The following MLLT1 variants were observed in gnomAD, a reference collection of about 807,000 sequenced individuals.
MLLT1 encodes MLLT1 super elongation complex subunit.
MLLT1 carries 11 observed loss-of-function variants against 55.1 expected under a neutral mutation model. The ratio of observed to expected loss-of-function variants is 0.20; its 90% CI spans 0.13 to 0.33. The LOEUF is 0.33. Among genes scored for constraint, MLLT1 ranks in the 10% least tolerant of loss-of-function variants. The probability of loss-of-function intolerance (pLI) is 1.00; values close to 1 mark genes in which losing one functional copy is unlikely to be tolerated. For synonymous variants in MLLT1, 323 were observed against 320.1 expected, an observed-to-expected ratio of 1.01 and a Z score of -0.10; for missense variants, 536 against 760.6, an observed-to-expected ratio of 0.70 and a Z score of 3.47.
In MLLT1 at chr19:6,222,376, C is replaced by T. The variant is rs763428398; in HGVS notation, c.855G>A (p.Lys285=). ...TTGGCGAGTCGGCGGTGGCCGGCCGCTTGCTGGAAGCCCGGGGTGGGGGTG... is the reference window on the plus strand; with the variant it reads ...TTGGCGAGTCGGCGGTGGCCGGCCGTTTGCTGGAAGCCCGGGGTGGGGGTG... ...PPPPPPRASS[K]RPATADSPKP... The change falls in exon 6 of 12, where the codon AAG becomes AAA. Residue 285 remains lysine (K), a synonymous_variant. Transcript: ENST00000252674. The surrounding 1 kb of genome is among the most constrained non-coding windows in gnomAD (Gnocchi z 4.1). 5 of 1,390,186 alleles carry T rather than the reference C, an allele frequency of 3.6e-6. No homozygotes were observed. Among genetic ancestry groups the T allele is most frequent in the Middle Eastern group, 2.7e-4 (1 of 3,718 alleles). The allele number at this position is 1,390,186 out of a possible 1,614,324, so 86.1% of individuals were successfully genotyped here. A position where few individuals can be genotyped will look rare whatever the true frequency, so the allele number is the denominator to read the frequency against.
rs531602750 is a variant in MLLT1, at chr19:6,278,747, G to A, written c.12+1026C>T. Reference sequence around the variant, plus strand: ...AACAGCAGGCCATCAGTGACTCAAAGGTCTGGGGAATCCAGGTCAGAGAAG... The same window carrying A: ...AACAGCAGGCCATCAGTGACTCAAAAGTCTGGGGAATCCAGGTCAGAGAAG... On this transcript the variant is annotated intron_variant, in intron 1 of 11. Transcript: ENST00000252674. 2.6e-5 allele frequency among the ~76,000 whole-genome samples: 4 copies of A among 152,272 alleles called. No homozygotes were observed. In the South Asian group the frequency reaches 8.3e-4, roughly 32 times the overall value.
chr19:6,246,187 G>A (rs1325996694), intron 3 of MLLT1, among the ~76,000 whole-genome samples: 2 of 150,788 alleles, frequency 1.3e-5, no homozygotes, highest in Non-Finnish European at 2.9e-5. Context: ...TCCTGCTGAT[G>A]AGGCTGCAAA....
In MLLT1 at chr19:6,235,276, G is replaced by C. The variant is rs917358613; in HGVS notation, c.277-4563C>G. Among the ~76,000 whole-genome samples the C allele has an allele frequency of 3.9e-5, 6 of 152,216 alleles. No homozygotes were observed. The highest frequency in any genetic ancestry group is 3.9e-4 in the Admixed American group (6 of 15,288). On this transcript the variant is annotated intron_variant, in intron 3 of 11. Transcript: ENST00000252674. This position sits in a 1 kb window ranked among gnomAD's most constrained non-coding sequence, Gnocchi z 5.5. Reference sequence around the variant, plus strand: ...GCTGTGCAGAGGATGAACGTGGCTGGGGGGCATCCTCGTGCAGAAAGCCTG... The same window carrying C: ...GCTGTGCAGAGGATGAACGTGGCTGCGGGGCATCCTCGTGCAGAAAGCCTG...
At chr19:6,225,145 G>GAGAGGGT (rs1194251994) in intron 5 of MLLT1, among the ~76,000 whole-genome samples, 1 of 152,238 alleles carries the variant, frequency 6.6e-6, no homozygotes, top group East Asian at 1.9e-4. Context: ...GCAAGGCTGT[G>GAGAGGGT]AGAGGGTCCT....
intron 3 of MLLT1, among the ~76,000 whole-genome samples, chr19:6,239,187 A>T (rs2091091669): frequency 6.6e-6 from 1 of 152,234 alleles, no homozygotes; most frequent in Admixed American, 6.5e-5. Context: ...GGTCCACGGC[A>T]TACTGGAATG....
intron 5 of MLLT1, among the ~76,000 whole-genome samples, chr19:6,223,021 C>A (rs944526098): frequency 6.6e-6 from 1 of 152,090 alleles, no homozygotes; most frequent in South Asian, 2.1e-4. Flanking sequence ...CGCCCTAACA[C>A]CTCACAGCTG....
chr19:6,223,018 A>C (rs2090918736), intron 5 of MLLT1, among the ~76,000 whole-genome samples: 1 of 152,112 alleles, frequency 6.6e-6, no homozygotes, highest in African/African-American at 2.4e-5. Context: ...GCCCGCCCTA[A>C]CACCTCACAG....
At position 6,232,242 on chromosome 19, in the gene MLLT1, A is replaced by T. The variant is rs544924181; in HGVS notation, c.277-1529T>A. On this transcript the variant is annotated intron_variant, in intron 3 of 11. Coordinates refer to ENST00000252674, the MANE Select transcript of MLLT1 (RefSeq NM_005934.4). ...CAGAGAAAGACTCTGTCTGAAAAAC[A>T]AACAAACAAACAAACAAGCAAACAA... Among the ~76,000 whole-genome samples the T allele has an allele frequency of 5.9e-5, 9 of 152,234 alleles. No homozygotes were observed. In the East Asian group the frequency reaches 9.7e-4, roughly 16 times the overall value.
In MLLT1 at chr19:6,248,856, G is replaced by C. The variant is rs191842568; in HGVS notation, c.276+13372C>G. Among the ~76,000 whole-genome samples the C allele has an allele frequency of 3.9e-5, 6 of 152,176 alleles. No individual in the cohort carries two copies. In the South Asian group the frequency reaches 6.2e-4, roughly 16 times the overall value. On this transcript the variant is annotated intron_variant, in intron 3 of 11. Transcript: ENST00000252674. Reference sequence around the variant, plus strand: ...TTAACATTAAGGGAGGTTGGGTTGTGGGGGAGGTCCTATGGGAATTCTCTG... The same window carrying C: ...TTAACATTAAGGGAGGTTGGGTTGTCGGGGAGGTCCTATGGGAATTCTCTG...
rs2288891 is a variant in MLLT1 at position 6,230,839 on chromosome 19, C to T, written c.277-126G>A. On this transcript the variant is annotated intron_variant, in intron 3 of 11. Transcript: ENST00000252674. This position sits in a 1 kb window ranked among gnomAD's most constrained non-coding sequence, Gnocchi z 9.0. ...TCTGTTCCCCTCCCTCCGATTTGCG[C>T]CCACTTCTCTCTCAGGGCACCTCCT... is the stretch of plus-strand genomic sequence containing the variant. The T allele has an allele frequency of 3.0e-3, 3,686 of 1,229,590 alleles. 86 individuals carry two copies. In the East Asian group the frequency reaches 0.051, roughly 17 times the overall value. 76.2% of individuals were successfully genotyped at this position (1,229,590 alleles called of 1,614,324 possible). A position where few individuals can be genotyped will look rare whatever the true frequency, so the allele number is the denominator to read the frequency against.
In MLLT1 at chr19:6,270,463, G is replaced by A. The variant is rs1600219641; in HGVS notation, c.193+116C>T. On this transcript the variant is annotated intron_variant, in intron 2 of 11. Transcript: ENST00000252674. This position sits in a 1 kb window ranked among gnomAD's most constrained non-coding sequence, Gnocchi z 7.1. The stretch of plus-strand genomic sequence containing the variant: ...CCCCCACGCCGAGGGACGCAAGCTG[G>A]AACCTCATGGTTGGAGGGGTCCTGC... 8.8e-7 allele frequency: 1 copy of A among 1,142,846 alleles called. No individual in the cohort carries two copies. The highest frequency in any genetic ancestry group is 2.6e-5 in the East Asian group (1 of 38,786). 70.8% of individuals were successfully genotyped at this position (1,142,846 alleles called of 1,614,324 possible).
chr19:6,214,085 C>A lies in MLLT1; in HGVS notation c.1308-47G>T, dbSNP rs1298534062. The A allele has an allele frequency of 4.9e-6, 6 of 1,226,362 alleles. 1 individual carries two copies. The South Asian group carries it at 8.0e-5, about 16-fold the overall frequency. 76.0% of individuals were successfully genotyped at this position (1,226,362 alleles called of 1,614,324 possible). A position where few individuals can be genotyped will look rare whatever the true frequency, so the allele number is the denominator to read the frequency against. On this transcript the variant is annotated intron_variant, in intron 8 of 11. Coordinates refer to ENST00000252674, the MANE Select transcript of MLLT1 (RefSeq NM_005934.4). The stretch of plus-strand genomic sequence containing the variant: ...CATCAGGCCCCTGCCGCCACCACGG[C>A]CCCCACCCCACCCCCAGGCTCAAGC...
chr19:6,244,505 C>CA (rs1825683800), intron 3 of MLLT1, among the ~76,000 whole-genome samples: 1 of 152,156 alleles, frequency 6.6e-6, no homozygotes, highest in Non-Finnish European at 1.5e-5. Flanking sequence ...AAAACAGAGG[C>CA]ATGGGCCTCA....
At chr19:6,243,621 G>A (rs1452474624) in intron 3 of MLLT1, among the ~76,000 whole-genome samples, 1 of 151,724 alleles carries the variant, frequency 6.6e-6, no homozygotes, top group East Asian at 1.9e-4. Flanking sequence ...CAGCGGATGA[G>A]CAGCTCTGCC....
intron 3 of MLLT1, among the ~76,000 whole-genome samples, chr19:6,244,862 A>G (rs2091151947): frequency 6.6e-6 from 1 of 152,182 alleles, no homozygotes. Context: ...GCCGTCAGGG[A>G]GATGCAAATC....
rs1040895927 is a variant in MLLT1, at chr19:6,240,973, C to A, written c.277-10260G>T. Among the ~76,000 whole-genome samples the A allele has an allele frequency of 4.6e-5, 7 of 152,172 alleles. No individual in the cohort carries two copies. Among genetic ancestry groups the A allele is most frequent in the African/African-American group, 1.4e-4 (6 of 41,440 alleles). On this transcript the variant is annotated intron_variant, in intron 3 of 11. Coordinates refer to ENST00000252674, the MANE Select transcript of MLLT1 (RefSeq NM_005934.4). The surrounding 1 kb of genome is among the most constrained non-coding windows in gnomAD (Gnocchi z 4.7). The stretch of plus-strand genomic sequence containing the variant: ...CCAAACTTAATGATTTCTCCTCAGT[C>A]TGACACCAGAAAAGGCAGAAAGCAG...
intron 10 of MLLT1, 145 bp downstream of exon 10, chr19:6,213,581 G>A (rs955840281): frequency 7.8e-5 from 77 of 992,492 alleles, no homozygotes; most frequent in African/African-American, 6.7e-4. Flanking sequence ...AGGCCACACC[G>A]GGAGGGGAGG....
At chr19:6,249,041 T>A (rs968011882) in intron 3 of MLLT1, among the ~76,000 whole-genome samples, 1 of 152,206 alleles carries the variant, frequency 6.6e-6, no homozygotes, top group Non-Finnish European at 1.5e-5. Flanking sequence ...TGTTCAACTG[T>A]GAATTTTATG....
intron 1 of MLLT1, among the ~76,000 whole-genome samples, chr19:6,278,487 G>GA (rs1331332584): frequency 6.6e-6 from 1 of 151,526 alleles, no homozygotes. Context: ...GATCCTGGGG[G>GA]AAAAAAACAG....
Sources: allele counts gnomAD v4.1 joint callset (sites outside exome capture counted in the v4.1 genomes callset), GRCh38; gene constraint gnomAD v4.1.1; non-coding constraint Gnocchi (gnomAD v3.1); transcripts MANE v1.5; gene names NCBI Gene and HGNC (gene_info 2026-07-23, HGNC 2026-07-21).